The following RBFOX1 variants were observed in gnomAD, a reference collection of about 807,000 sequenced individuals.
RBFOX1 encodes the protein RNA binding protein fox-1 homolog 1.
A neutral mutation model predicts 57.7 loss-of-function variants in RBFOX1; 8 were observed. That is an observed-to-expected ratio of 0.14 (90% CI 0.08 to 0.25). The LOEUF is 0.25. RBFOX1 is among the 10% of genes least tolerant of loss of function. The probability of loss-of-function intolerance (pLI) is 1.00; values close to 1 mark genes in which losing one functional copy is unlikely to be tolerated. For synonymous variants in RBFOX1, 326 were observed against 222.4 expected (o/e 1.47, Z -4.15); for missense variants, 611 against 548.5 (o/e 1.11, Z -1.14).
At chr16:6,843,822 A>G (rs1479704321) in intron 3 of RBFOX1, among the ~76,000 whole-genome samples, 3 of 152,124 alleles carry the variant, frequency 2.0e-5, no homozygotes, top group East Asian at 3.9e-4. Context: ...ACAAGATTTG[A>G]CCCTTAGGTT....
chr16:6,630,741 A>G (rs1403822452), intron 2 of RBFOX1, among the ~76,000 whole-genome samples: 2 of 152,178 alleles, frequency 1.3e-5, no homozygotes, highest in Non-Finnish European at 2.9e-5. Context: ...GCTGGAATTT[A>G]TGATGAAAAT....
chr16:6,900,322 A>G (rs891127487), intron 3 of RBFOX1, among the ~76,000 whole-genome samples: 1 of 152,152 alleles, frequency 6.6e-6, no homozygotes, highest in Non-Finnish European at 1.5e-5. Context: ...AGTTGCCATC[A>G]TCTCCCCCTG....
At chr16:6,154,585 C>T (rs534657629) in intron 1 of RBFOX1, among the ~76,000 whole-genome samples, 14 of 152,288 alleles carry the variant, frequency 9.2e-5, no homozygotes, top group Non-Finnish European at 1.5e-4. Context: ...TCTTCTCCCT[C>T]TCTGGCATTA....
At chr16:6,899,091 ATG>A (rs36144934) in intron 3 of RBFOX1, among the ~76,000 whole-genome samples, 7 of 151,080 alleles carry the variant, frequency 4.6e-5, no homozygotes, top group African/African-American at 1.2e-4. Context: ...CACGTGTATA[ATG>A]TGTGTACATC....
At chr16:6,058,830 A>T (rs1193370777) in intron 1 of RBFOX1, among the ~76,000 whole-genome samples, 6 of 76,130 alleles carry the variant, frequency 7.9e-5, no homozygotes, top group African/African-American at 1.8e-4. Context: ...CCACTCATTT[A>T]TTTATCCATC....
At chr16:7,315,471 C>T (rs968132337) in intron 4 of RBFOX1, among the ~76,000 whole-genome samples, 3 of 151,072 alleles carry the variant, frequency 2.0e-5, no homozygotes, top group African/African-American at 7.3e-5. Flanking sequence ...CCCCCCCATA[C>T]TGGGGGCTTG....
intron 14 of RBFOX1, among the ~76,000 whole-genome samples, chr16:7,693,665 T>C (rs759503652): frequency 6.6e-5 from 10 of 152,110 alleles, no homozygotes; most frequent in Non-Finnish European, 1.3e-4. Flanking sequence ...TCAGTGCTCT[T>C]ATGGTAAAAT....
intron 4 of RBFOX1, among the ~76,000 whole-genome samples, chr16:5,929,558 G>T (rs751674763): frequency 2.6e-5 from 4 of 152,134 alleles, no homozygotes; most frequent in African/African-American, 4.8e-5. Context: ...GCAAGACAAA[G>T]GTTCCATGTT....
At chr16:5,415,625 C>G (rs563371681) in intron 1 of RBFOX1, among the ~76,000 whole-genome samples, 1 of 152,160 alleles carries the variant, frequency 6.6e-6, no homozygotes, top group African/African-American at 2.4e-5. Context: ...GAATTTAATA[C>G]CACTGTTTGG....
chr16:7,439,100 G>C (rs917828625), intron 4 of RBFOX1, among the ~76,000 whole-genome samples: 1 of 152,186 alleles, frequency 6.6e-6, no homozygotes, highest in Non-Finnish European at 1.5e-5. Context: ...GCACAGAGGA[G>C]CATGGTCCTC....
intron 1 of RBFOX1, among the ~76,000 whole-genome samples, chr16:5,466,061 C>G (rs8049130): frequency 0.14 from 21,662 of 152,160 alleles, 1,615 homozygotes; most frequent in Middle Eastern, 0.24. Context: ...CCTGAAAGGT[C>G]TGACGTTTTG....
intron 3 of RBFOX1, among the ~76,000 whole-genome samples, chr16:6,725,214 C>G (rs977396055): frequency 6.6e-6 from 1 of 151,896 alleles, no homozygotes; most frequent in Non-Finnish European, 1.5e-5. Context: ...CCATGCCCAG[C>G]TAATTTTTTT....
At chr16:7,589,236 T>G (rs1320769651) in intron 7 of RBFOX1, among the ~76,000 whole-genome samples, 3 of 152,122 alleles carry the variant, frequency 2.0e-5, no homozygotes, top group Non-Finnish European at 4.4e-5. Context: ...CAAAGATGTG[T>G]TGTTGTTGTT....
chr16:6,899,227 A>G (rs1388400898), intron 3 of RBFOX1, among the ~76,000 whole-genome samples: 1 of 151,596 alleles, frequency 6.6e-6, no homozygotes, highest in Admixed American at 6.6e-5. Context: ...GTATGTGTGG[A>G]TGCGTGTCCA....
chr16:7,186,024 G>T (rs74012714), intron 4 of RBFOX1, among the ~76,000 whole-genome samples: 2,401 of 152,152 alleles, frequency 0.016, 56 homozygotes, highest in African/African-American at 0.055. Context: ...ACACAGACAG[G>T]TTCAGCGATA....
At chr16:5,914,261 A>C (rs947642023) in intron 4 of RBFOX1, among the ~76,000 whole-genome samples, 1 of 152,252 alleles carries the variant, frequency 6.6e-6, no homozygotes, top group Non-Finnish European at 1.5e-5. Flanking sequence ...AAATTATCAC[A>C]AAACTTGGCA....
intron 4 of RBFOX1, among the ~76,000 whole-genome samples, chr16:7,451,637 A>T (rs1403732913): frequency 6.6e-6 from 1 of 152,170 alleles, no homozygotes; most frequent in Non-Finnish European, 1.5e-5. Flanking sequence ...TAACATTTTG[A>T]AATTAAACCT....
intron 4 of RBFOX1, among the ~76,000 whole-genome samples, chr16:5,960,459 A>C (rs2059725602): frequency 6.6e-6 from 1 of 152,188 alleles, no homozygotes; most frequent in East Asian, 1.9e-4. Flanking sequence ...TATTACGTGA[A>C]AACAGCAAAT....
intron 1 of RBFOX1, among the ~76,000 whole-genome samples, chr16:6,159,824 C>T (rs2096864895): frequency 6.6e-6 from 1 of 152,172 alleles, no homozygotes. Context: ...AGTGGGCATG[C>T]AAAGTAACAT....
Sources: allele counts gnomAD v4.1 joint callset (sites outside exome capture counted in the v4.1 genomes callset), GRCh38; gene constraint gnomAD v4.1.1; transcripts MANE v1.5; gene names NCBI Gene and HGNC (gene_info 2026-07-23, HGNC 2026-07-21).